The following ASB2 variants were observed in gnomAD, a reference collection of about 807,000 sequenced individuals.
ASB2 encodes ankyrin repeat and SOCS box protein 2.
A neutral mutation model predicts 62.4 loss-of-function variants in ASB2; 58 were observed. The observed-to-expected ratio is 0.93, with a 90% CI of 0.75 to 1.16. The LOEUF (loss-of-function observed/expected upper bound fraction) is 1.16, where lower values mean the gene tolerates loss of function less well. Among genes scored for constraint, ASB2 ranks in the 50% most tolerant of loss-of-function variants. The probability of loss-of-function intolerance (pLI) is 0.00; values close to 1 mark genes in which losing one functional copy is unlikely to be tolerated. For synonymous variants in ASB2, 386 were observed against 385.3 expected, an observed-to-expected ratio of 1.00 and a Z score of -0.02; for missense variants, 928 against 887.9, an observed-to-expected ratio of 1.05 and a Z score of -0.57.
At chr14:93,967,568 C>A (rs1288069298) in intron 1 of ASB2, among the ~76,000 whole-genome samples, 2 of 152,238 alleles carry the variant, frequency 1.3e-5, no homozygotes. Flanking sequence ...GGCCAAAGTG[C>A]TTTGTGACCT....
At chr14:93,959,212 A>C (rs1026573787) in intron 2 of ASB2, among the ~76,000 whole-genome samples, 28 of 152,190 alleles carry the variant, frequency 1.8e-4, no homozygotes, top group Admixed American at 1.2e-3. Flanking sequence ...GTGGTGATGC[A>C]GCTCATTAAA....
At chr14:93,951,638 G>A (rs902046426) in intron 5 of ASB2, among the ~76,000 whole-genome samples, 1 of 152,214 alleles carries the variant, frequency 6.6e-6, no homozygotes, top group Non-Finnish European at 1.5e-5. Flanking sequence ...TGGCAGAACT[G>A]GAATTCAAAC....
intron 1 of ASB2, among the ~76,000 whole-genome samples, chr14:93,975,731 T>C (rs954046790): frequency 6.6e-6 from 1 of 152,210 alleles, no homozygotes; most frequent in African/African-American, 2.4e-5. Flanking sequence ...TTGACTTCCC[T>C]GCCTTTGCCC....
At chr14:93,970,206 G>C (rs1199579718) in intron 1 of ASB2, among the ~76,000 whole-genome samples, 1 of 152,208 alleles carries the variant, frequency 6.6e-6, no homozygotes, top group Non-Finnish European at 1.5e-5. Context: ...CTGGGGGCTA[G>C]AGGAGACACA....
chr14:93,974,630 C>T (rs557936601), intron 1 of ASB2, among the ~76,000 whole-genome samples: 4 of 152,330 alleles, frequency 2.6e-5, no homozygotes, highest in Non-Finnish European at 2.9e-5. Context: ...GGCCACAGGA[C>T]GCTGTGGCTT....
At chr14:93,941,562 G>A in intron 7 of ASB2, 1 of 436,982 alleles carries the variant, frequency 2.3e-6, no homozygotes, top group Non-Finnish European at 4.6e-6. Context: ...TATTTGTGTA[G>A]GCACAGGAGG....
rs1180508475 is a variant in ASB2, at chr14:93,938,964, A to C, written c.1617+144T>G. The C allele has an allele frequency of 1.8e-5, 13 of 736,418 alleles. 1 individual carries two copies. The East Asian group carries it at 2.6e-4, about 15-fold the overall frequency. 45.6% of individuals were successfully genotyped at this position (736,418 alleles called of 1,614,324 possible). A position where few individuals can be genotyped will look rare whatever the true frequency, so the allele number is the denominator to read the frequency against. ...CTCTGCTGCCTCCAAAGCTGGCCCCACTTCCCCCGAAGGGTGTTAATCACT... is the reference window on the plus strand; with the variant it reads ...CTCTGCTGCCTCCAAAGCTGGCCCCCCTTCCCCCGAAGGGTGTTAATCACT... On this transcript the variant is annotated intron_variant, in intron 8 of 9. Coordinates refer to ENST00000555019, the MANE Select transcript of ASB2 (RefSeq NM_001202429.2).
chr14:93,935,338 C>G (rs1888233599), intron 9 of ASB2, among the ~76,000 whole-genome samples: 1 of 152,224 alleles, frequency 6.6e-6, no homozygotes, highest in Non-Finnish European at 1.5e-5. Flanking sequence ...GTGGAGTTTT[C>G]TGAGCTGGGG....
intron 2 of ASB2, among the ~76,000 whole-genome samples, chr14:93,958,112 T>C (rs72631626): frequency 0.069 from 10,477 of 152,250 alleles, 1,354 homozygotes; most frequent in East Asian, 0.63. Context: ...CTCTGCTTCA[T>C]GCTCTCAGGG....
At chr14:93,938,956 C>A (rs1478650383) in intron 8 of ASB2, 152 bp downstream of exon 8, 5 of 694,812 alleles carry the variant, frequency 7.2e-6, no homozygotes, top group Non-Finnish European at 1.1e-5. Flanking sequence ...GCCTCCAAAG[C>A]TGGCCCCACT....
Position 93,939,123 on chromosome 14 carries a change from C to T in ASB2, c.1602G>A (p.Glu534=), listed in dbSNP as rs774552355. The T allele has an allele frequency of 5.3e-6, 8 of 1,523,394 alleles. No homozygotes were observed. The highest frequency in any genetic ancestry group is 6.2e-6 in the Non-Finnish European group (7 of 1,131,636). The allele number at this position is 1,523,394 out of a possible 1,614,324, so 94.4% of individuals were successfully genotyped here. ...RFNDAPAADK[E]PSVVQFCEFV... is the part of the protein sequence containing the mutation. Reference sequence around the variant, plus strand: ...CGCTGCCCACCTGCACCACGCTGGGCTCCTTGTCGGCCGCGGGCGCGTCGT... The same window carrying T: ...CGCTGCCCACCTGCACCACGCTGGGTTCCTTGTCGGCCGCGGGCGCGTCGT... The change falls in exon 8 of 10, where the codon GAG becomes GAA. Residue 534 remains glutamate, a synonymous_variant. Transcript: ENST00000555019.
At chr14:93,967,760 C>G (rs909064240) in intron 1 of ASB2, among the ~76,000 whole-genome samples, 1 of 152,008 alleles carries the variant, frequency 6.6e-6, no homozygotes, top group Non-Finnish European at 1.5e-5. Context: ...ATGGCCGTGT[C>G]GACAAAAAGA....
chr14:93,947,372 G>A lies in ASB2; in HGVS notation c.1029C>T (p.Ile343=), dbSNP rs147011095. The part of the protein sequence containing the change: ...TNKDGLLPLH[I]ASKKGNYRIV... ...ACCTGTAGTTGCCCTTCTTGGAGGC[G>A]ATGTGCAGCGGGAGCAAGCCGTCCT... The change falls in exon 7 of 10, where the codon ATC becomes ATT. Residue 343 remains isoleucine (I), a synonymous_variant. Transcript: ENST00000555019. The A allele has an allele frequency of 9.9e-6, 16 of 1,614,064 alleles. No individual in the cohort carries two copies. Among genetic ancestry groups the A allele is most frequent in the East Asian group, 4.5e-5 (2 of 44,898 alleles).
intron 1 of ASB2, among the ~76,000 whole-genome samples, chr14:93,973,537 G>T (rs189883895): frequency 7.2e-5 from 11 of 152,196 alleles, no homozygotes; most frequent in African/African-American, 2.7e-4. Flanking sequence ...ACCTGCGGCA[G>T]TGCCCACACC....
At chr14:93,947,131 A>G (rs1005581237) in intron 7 of ASB2, among the ~76,000 whole-genome samples, 3 of 152,238 alleles carry the variant, frequency 2.0e-5, no homozygotes, top group Admixed American at 6.5e-5. Flanking sequence ...GTTTGCTGTT[A>G]TTATTTCAGT....
chr14:93,935,843 G>A (rs1888254830), intron 9 of ASB2, among the ~76,000 whole-genome samples: 1 of 152,198 alleles, frequency 6.6e-6, no homozygotes, highest in African/African-American at 2.4e-5. Context: ...CCAAAGAGCA[G>A]GGAAGCATCA....
At position 93,939,652 on chromosome 14, in the gene ASB2, G is replaced by A. The variant is rs972916883; in HGVS notation, c.1073C>T (p.Pro358Leu). The change falls in exon 8 of 10, where the codon CCG becomes CTG. Residue 358 changes from proline (P) to leucine (L), a missense_variant. Coordinates refer to ENST00000555019, the MANE Select transcript of ASB2 (RefSeq NM_001202429.2). Reference sequence around the variant, plus strand: ...GCGTATGCGCGTGCGGCTGGTCACCGGCAGCAGCATCTGCACGATCCTGCC... The same window carrying A: ...GCGTATGCGCGTGCGGCTGGTCACCAGCAGCAGCATCTGCACGATCCTGCC... ...GNYRIVQMLLPVTSRTRIRRS... is the reference protein window; with the variant it reads ...GNYRIVQMLLLVTSRTRIRRS... The A allele has an allele frequency of 1.3e-6, 2 of 1,509,026 alleles. No homozygotes were observed. Among genetic ancestry groups the A allele is most frequent in the South Asian group, 1.3e-5 (1 of 79,878 alleles). The allele number at this position is 1,509,026 out of a possible 1,614,324, so 93.5% of individuals were successfully genotyped here.
At chr14:93,942,593 C>T (rs1888568893) in intron 7 of ASB2, among the ~76,000 whole-genome samples, 1 of 152,234 alleles carries the variant, frequency 6.6e-6, no homozygotes, top group African/African-American at 2.4e-5. Flanking sequence ...CCTTGCCATA[C>T]CACCTGGCCC....
At chr14:93,973,675 C>T (rs1455991426) in intron 1 of ASB2, among the ~76,000 whole-genome samples, 1 of 152,252 alleles carries the variant, frequency 6.6e-6, no homozygotes, top group Non-Finnish European at 1.5e-5. Context: ...CCTTCTGCTG[C>T]CTCCTGGCCC....
Sources: allele counts gnomAD v4.1 joint callset (sites outside exome capture counted in the v4.1 genomes callset), GRCh38; gene constraint gnomAD v4.1.1; transcripts MANE v1.5; gene names NCBI Gene and HGNC (gene_info 2026-07-23, HGNC 2026-07-21).